Variants in ATF6 observed in about 807,000 individuals in gnomAD.
ATF6 encodes cyclic AMP-dependent transcription factor ATF-6 alpha.
In ATF6, 53 loss-of-function variants were observed where a neutral mutation model predicts 83.6. That is an observed-to-expected ratio of 0.63 (90% CI 0.51 to 0.80). The LOEUF (loss-of-function observed/expected upper bound fraction) is 0.80. ATF6 is among the 30% of genes least tolerant of loss of function. The pLI is 0.00. For missense variants in ATF6, 744 were observed against 797.9 expected (o/e 0.93, Z 0.81); for synonymous variants, 288 against 285.8 (o/e 1.01, Z -0.08).
Position 161,775,208 on chromosome 1 carries a change from A to G in ATF6, c.83-3036A>G, listed in dbSNP as rs556601320. On this transcript the variant is annotated intron_variant, in intron 1 of 15. Transcript: ENST00000367942. ...CTATGCCATCATATCATCCTGTGATATAGTCACATGATCACTTGGTCAAGT... is the reference window on the plus strand; with the variant it reads ...CTATGCCATCATATCATCCTGTGATGTAGTCACATGATCACTTGGTCAAGT... Among the ~76,000 whole-genome samples the G allele has an allele frequency of 3.9e-5, 6 of 152,360 alleles. No homozygotes were observed. The South Asian group carries it at 8.3e-4, about 21-fold the overall frequency.
intron 7 of ATF6, among the ~76,000 whole-genome samples, chr1:161,813,486 CCACAGTAAGAAATGTATTTAACCT>C (rs1685525128): frequency 6.6e-6 from 1 of 152,172 alleles, no homozygotes; most frequent in South Asian, 2.1e-4. Context: ...TGTACACAGT[CCACAGTAAGAAATGTATTTAACCT>C]CTCTTTCTCT....
rs1311713059 is a variant in ATF6, at chr1:161,959,822, A to G, written c.*1168A>G. ...CTCTACTAATCTGGTCCAGGTCCTC[A>G]TGGACCACAGGACAAAGCTTTCATT... On this transcript the variant is annotated 3_prime_UTR_variant, in exon 16 of 16. Transcript: ENST00000367942. The G allele has an allele frequency of 6.6e-6, 1 of 152,214 alleles. No individual in the cohort carries two copies. Among genetic ancestry groups the G allele is most frequent in the African/African-American group, 2.4e-5 (1 of 41,456 alleles). 9.4% of individuals were successfully genotyped at this position (152,214 alleles called of 1,614,324 possible).
rs1410615198 is a variant in ATF6 at position 161,929,052 on chromosome 1, A to C, written c.1804+16672A>C. On this transcript the variant is annotated intron_variant, in intron 15 of 15. Coordinates refer to ENST00000367942, the MANE Select transcript of ATF6 (RefSeq NM_007348.4). ...GTAACTCCCAGTTATTAAGAACCTG[A>C]TGGGTGCTAGGCATTGCCTTATGAA... Among the ~76,000 whole-genome samples, 3 of 152,340 alleles carry C rather than the reference A, an allele frequency of 2.0e-5. No homozygotes were observed. The East Asian group carries it at 5.8e-4, about 29-fold the overall frequency.
intron 4 of ATF6, among the ~76,000 whole-genome samples, chr1:161,791,106 CTGTGTGTGTG>C (rs565632055): frequency 2.5e-5 from 3 of 120,768 alleles, no homozygotes; most frequent in Non-Finnish European, 5.0e-5. Context: ...GTGTGTGTCT[CTGTGTGTGTG>C]TGTGTGTGTG....
intron 10 of ATF6, 34 bp downstream of exon 10, chr1:161,846,614 T>C: frequency 6.4e-7 from 1 of 1,556,706 alleles, no homozygotes; most frequent in Non-Finnish European, 8.7e-7. Flanking sequence ...TTGGCCTAAG[T>C]GATTTAATGA....
chr1:161,920,541 G>A (rs111612785), intron 15 of ATF6, among the ~76,000 whole-genome samples: 1,923 of 151,970 alleles, frequency 0.013, 14 homozygotes, highest in South Asian at 0.018. Flanking sequence ...TGATCTGCCC[G>A]CCTCGGCCTC....
At chr1:161,821,196 C>A in intron 9 of ATF6, 35 bp downstream of exon 9, 1 of 1,390,092 alleles carries the variant, frequency 7.2e-7, no homozygotes, top group Non-Finnish European at 1.0e-6. Context: ...GACACTAATG[C>A]TAAAAACTTA....
chr1:161,920,443 C>T (rs558128845), intron 15 of ATF6, among the ~76,000 whole-genome samples: 3 of 151,396 alleles, frequency 2.0e-5, no homozygotes, highest in South Asian at 4.2e-4. Context: ...TACAGGTGCC[C>T]GCCACCATGC....
intron 10 of ATF6, among the ~76,000 whole-genome samples, chr1:161,849,500 A>G (rs1047312101): frequency 2.6e-5 from 4 of 152,192 alleles, no homozygotes; most frequent in Admixed American, 6.5e-5. Flanking sequence ...GCTTTCTGCC[A>G]TCTTACTTGC....
At chr1:161,882,353 G>T (rs988383302) in intron 14 of ATF6, among the ~76,000 whole-genome samples, 11 of 151,978 alleles carry the variant, frequency 7.2e-5, no homozygotes, top group Non-Finnish European at 1.3e-4. Flanking sequence ...TGCCTGTATG[G>T]GTCACAGTGC....
In ATF6 at chr1:161,958,607, A is replaced by C; in HGVS notation, c.1966A>C (p.Thr656Pro). The C allele has an allele frequency of 6.2e-7, 1 of 1,613,852 alleles. No individual in the cohort carries two copies. Among genetic ancestry groups the C allele is most frequent in the Non-Finnish European group, 8.5e-7 (1 of 1,179,932 alleles). The change falls in exon 16 of 16, where the codon ACA becomes CCA. Residue 656 changes from threonine to proline, a missense_variant. Transcript: ENST00000367942. ...NTFFGSPPAA[T>P]EATHVVSTIP... is the part of the protein sequence containing the mutation. ...CTTCTTTGGCTCCCCTCCCGCAGCC[A>C]CAGAGGCAACCCACGTTGTCAGCAC...
At chr1:161,812,550 G>A (rs1157144976) in intron 7 of ATF6, among the ~76,000 whole-genome samples, 2 of 151,370 alleles carry the variant, frequency 1.3e-5, no homozygotes, top group Non-Finnish European at 3.0e-5. Context: ...CCGCCACTAC[G>A]CCCGGCTAAT....
chr1:161,820,824 G>GT (rs962258067), intron 8 of ATF6, among the ~76,000 whole-genome samples: 16 of 151,912 alleles, frequency 1.1e-4, no homozygotes, highest in African/African-American at 3.6e-4. Context: ...TGGCTGCTGT[G>GT]TTTTTTTCTC....
At position 161,778,349 on chromosome 1, in the gene ATF6, G is replaced by T. The variant is rs1350651525; in HGVS notation, c.159+29G>T. ...AGTATTTACTAAGGTTGAATAATGT[G>T]ATATTTAGTCTTTAACCCTAATTAT... On this transcript the variant is annotated intron_variant, in intron 2 of 15. Coordinates refer to ENST00000367942, the MANE Select transcript of ATF6 (RefSeq NM_007348.4). 3.2e-6 allele frequency: 5 copies of T among 1,566,578 alleles called. No individual in the cohort carries two copies. In the African/African-American group the frequency reaches 4.1e-5, roughly 13 times the overall value.
chr1:161,960,752 T>G lies in ATF6; in HGVS notation c.*2098T>G, dbSNP rs1689081139. On this transcript the variant is annotated 3_prime_UTR_variant, in exon 16 of 16. Transcript: ENST00000367942. Reference sequence around the variant, plus strand: ...TTTTCTCTGGGGACCATTCTTCTGCTGGGTGCCAAGGAATATAAGGCAAAT... The same window carrying G: ...TTTTCTCTGGGGACCATTCTTCTGCGGGGTGCCAAGGAATATAAGGCAAAT... 1 of 152,272 alleles carries G rather than the reference T, an allele frequency of 6.6e-6. No individual in the cohort carries two copies. Among genetic ancestry groups the G allele is most frequent in the South Asian group, 2.1e-4 (1 of 4,834 alleles). 9.4% of individuals were successfully genotyped at this position (152,272 alleles called of 1,614,324 possible). A position where few individuals can be genotyped will look rare whatever the true frequency, so the allele number is the denominator to read the frequency against.
Position 161,789,252 on chromosome 1 carries a change from C to CTTTTT in ATF6, c.355-2134_355-2130dup, listed in dbSNP as rs71755584. ...TAAATAATATGTCTTATTCCTTCTC[C>CTTTTT]TTTTTTTTTTTTTTTTTTTTTTTTT... On this transcript the variant is annotated intron_variant, in intron 4 of 15. Transcript: ENST00000367942. Among the ~76,000 whole-genome samples the CTTTTT allele has an allele frequency of 1.7e-3, 169 of 101,368 alleles. 9 individuals carry two copies. In the East Asian group the frequency reaches 0.021, roughly 13 times the overall value. 66.5% of individuals were successfully genotyped at this position (101,368 alleles called of 152,430 possible). A position where few individuals can be genotyped will look rare whatever the true frequency, so the allele number is the denominator to read the frequency against.
chr1:161,801,359 C>CTTTTTTTTTGTT (rs1685140996), intron 6 of ATF6, among the ~76,000 whole-genome samples: 1 of 95,286 alleles, frequency 1.0e-5, no homozygotes, highest in Non-Finnish European at 2.1e-5. Context: ...TATTTGTAGT[C>CTTTTTTTTTGTT]TTTTTTTTTT....
chr1:161,940,399 C>T (rs546917563), intron 15 of ATF6, among the ~76,000 whole-genome samples: 1 of 152,194 alleles, frequency 6.6e-6, no homozygotes, highest in African/African-American at 2.4e-5. Flanking sequence ...TCTCTGGCCT[C>T]ATTTTCCCAT....
chr1:161,889,150 A>G (rs1490514207), intron 14 of ATF6, among the ~76,000 whole-genome samples: 1 of 152,228 alleles, frequency 6.6e-6, no homozygotes, highest in East Asian at 1.9e-4. Context: ...TTGTTAGTAT[A>G]GGTATCCTAA....
Sources: allele counts gnomAD v4.1 joint callset (sites outside exome capture counted in the v4.1 genomes callset), GRCh38; gene constraint gnomAD v4.1.1; transcripts MANE v1.5; gene names NCBI Gene and HGNC (gene_info 2026-07-23, HGNC 2026-07-21).